Variants in SAMD5 observed in about 807,000 individuals in gnomAD.
SAMD5 encodes the protein sterile alpha motif domain containing 5, also known as sterile alpha motif domain-containing protein 5.
SAMD5 carries 13 observed loss-of-function variants against 11.3 expected under a neutral mutation model. The observed-to-expected ratio is 1.15, with a 90% confidence interval of 0.75 to 1.83. The LOEUF is 1.83. SAMD5 is among the 40% of genes most tolerant of loss of function. SAMD5 has a pLI of 0.00. For missense variants in SAMD5, 255 were observed against 239.1 expected (o/e 1.07, Z -0.44); for synonymous variants, 129 against 111.3 (o/e 1.16, Z -1.00).
the SAMD5 span, among the ~76,000 whole-genome samples, chr6:147,859,614 G>A: frequency 6.6e-6 from 1 of 152,048 alleles, no homozygotes; most frequent in Non-Finnish European, 1.5e-5. Context: ...TTTGCCTTTG[G>A]GTTTCACTAA....
rs567402977 is a variant in SAMD5, at chr6:147,566,519, T to G, written c.*2063T>G. ...ACTCAATTTTTGAAAAATCTGTTATTTTCACTGTGGGCCTTATGAGGCAAT... is the reference window on the plus strand; with the variant it reads ...ACTCAATTTTTGAAAAATCTGTTATGTTCACTGTGGGCCTTATGAGGCAAT... On this transcript the variant is annotated 3_prime_UTR_variant, in exon 2 of 2. Transcript: ENST00000367474. 141 of 985,754 alleles carry G rather than the reference T, an allele frequency of 1.4e-4. 3 individuals are homozygous for G. The South Asian group carries it at 6.0e-3, about 42-fold the overall frequency. The allele number at this position is 985,754 out of a possible 1,614,324, so 61.1% of individuals were successfully genotyped here.
At chr6:147,897,199 T>G in the SAMD5 span, among the ~76,000 whole-genome samples, 1 of 152,190 alleles carries the variant, frequency 6.6e-6, no homozygotes, top group Admixed American at 6.5e-5. Flanking sequence ...TAAAAAATCT[T>G]ATAGCCCCAG....
At chr6:147,929,309 C>A in the SAMD5 span, among the ~76,000 whole-genome samples, 2 of 152,206 alleles carry the variant, frequency 1.3e-5, no homozygotes, top group East Asian at 3.9e-4. Flanking sequence ...TGAGTGGACA[C>A]AGGGAAATAA....
intron 1 of SAMD5, among the ~76,000 whole-genome samples, chr6:147,638,100 G>GTT (rs1360608856): frequency 2.0e-5 from 3 of 151,850 alleles, no homozygotes; most frequent in Admixed American, 6.6e-5. Context: ...TTGACTGAGT[G>GTT]TTCTCTCTCT....
chr6:147,513,134 G>A (rs1181919524), intron 1 of SAMD5, among the ~76,000 whole-genome samples: 1 of 152,220 alleles, frequency 6.6e-6, no homozygotes, highest in East Asian at 1.9e-4. Context: ...AGTGCCTGGA[G>A]AAAGTGGCAG....
At chr6:147,679,682 C>A (rs1790913583) in intron 1 of SAMD5, among the ~76,000 whole-genome samples, 1 of 151,834 alleles carries the variant, frequency 6.6e-6, no homozygotes, top group South Asian at 2.1e-4. Context: ...TCTTTCTTTT[C>A]TTTGATCATC....
chr6:147,791,023 G>A, the SAMD5 span, among the ~76,000 whole-genome samples: 1 of 152,058 alleles, frequency 6.6e-6, no homozygotes, highest in Admixed American at 6.6e-5. Flanking sequence ...GGCCGGGTGT[G>A]GTGGCTCACG....
the SAMD5 span, among the ~76,000 whole-genome samples, chr6:147,755,826 C>T: frequency 3.5e-4 from 53 of 152,104 alleles, no homozygotes; most frequent in Admixed American, 2.3e-3. Flanking sequence ...CATAATTAAA[C>T]TGTAAAAAGG....
the SAMD5 span, among the ~76,000 whole-genome samples, chr6:147,806,394 A>G: frequency 6.6e-6 from 1 of 152,148 alleles, no homozygotes; most frequent in Admixed American, 6.5e-5. Flanking sequence ...CTTTGGTCCT[A>G]TCAGAGTAAA....
intron 1 of SAMD5, among the ~76,000 whole-genome samples, chr6:147,678,427 A>G (rs1790895099): frequency 6.6e-6 from 1 of 152,178 alleles, no homozygotes; most frequent in Non-Finnish European, 1.5e-5. Context: ...CAACCAACAA[A>G]GGGGTTGCAT....
chr6:147,565,829 A>G lies in SAMD5; in HGVS notation c.*1373A>G, dbSNP rs1789030308. On this transcript the variant is annotated 3_prime_UTR_variant, in exon 2 of 2. Coordinates refer to ENST00000367474, the MANE Select transcript of SAMD5 (RefSeq NM_001030060.3). ...TTGATGGGACCAAAAACTTAGTTGA[A>G]AGAAGCCATGGCAAAAGATGTTGAC... 1.0e-6 allele frequency: 1 copy of G among 985,286 alleles called. No homozygotes were observed. Among genetic ancestry groups the G allele is most frequent in the African/African-American group, 1.7e-5 (1 of 57,224 alleles). The allele number at this position is 985,286 out of a possible 1,614,324, so 61.0% of individuals were successfully genotyped here. A position where few individuals can be genotyped will look rare whatever the true frequency, so the allele number is the denominator to read the frequency against.
chr6:147,846,440 A>G, the SAMD5 span, among the ~76,000 whole-genome samples: 7 of 152,224 alleles, frequency 4.6e-5, no homozygotes, highest in Non-Finnish European at 8.8e-5. Flanking sequence ...GTTTGCATAC[A>G]TAGATGTTAA....
At chr6:147,848,945 G>C in the SAMD5 span, among the ~76,000 whole-genome samples, 4,556 of 152,140 alleles carry the variant, frequency 0.03, 75 homozygotes, top group Middle Eastern at 0.048. Flanking sequence ...TCAGGGACTG[G>C]CAAACTTTTT....
chr6:147,571,896 A>AT (rs1789143599), downstream of SAMD5, among the ~76,000 whole-genome samples: 1 of 152,056 alleles, frequency 6.6e-6, no homozygotes, highest in South Asian at 2.1e-4. Flanking sequence ...TCAGTCTCCC[A>AT]TCTGCAAAAG....
intron 1 of SAMD5, among the ~76,000 whole-genome samples, chr6:147,550,761 G>A (rs779696560): frequency 1.4e-4 from 22 of 152,090 alleles, no homozygotes; most frequent in Non-Finnish European, 3.1e-4. Flanking sequence ...AAGGGTGTGA[G>A]GTGGGCAGAG....
the SAMD5 span, among the ~76,000 whole-genome samples, chr6:147,894,980 G>C: frequency 9.9e-5 from 15 of 152,220 alleles, no homozygotes; most frequent in African/African-American, 3.4e-4. Context: ...TCAAGGCAAA[G>C]TGGAATTTTC....
chr6:147,945,473 C>T, the SAMD5 span, among the ~76,000 whole-genome samples: 1 of 152,020 alleles, frequency 6.6e-6, no homozygotes, highest in African/African-American at 2.4e-5. Flanking sequence ...ATGTCAGATG[C>T]TCATTTAAAA....
chr6:147,806,083 G>A, the SAMD5 span, among the ~76,000 whole-genome samples: 3 of 152,258 alleles, frequency 2.0e-5, no homozygotes, highest in African/African-American at 7.2e-5. Context: ...GAACCAGGAA[G>A]AGCCACAGGA....
At chr6:147,894,625 C>A in the SAMD5 span, among the ~76,000 whole-genome samples, 1 of 152,118 alleles carries the variant, frequency 6.6e-6, no homozygotes, top group Non-Finnish European at 1.5e-5. Context: ...TTAGGAAATC[C>A]CATATTAAAC....
Sources: allele counts gnomAD v4.1 joint callset (sites outside exome capture counted in the v4.1 genomes callset), GRCh38; gene constraint gnomAD v4.1.1; transcripts MANE v1.5; gene names NCBI Gene and HGNC (gene_info 2026-07-23, HGNC 2026-07-21).